The following GNAI2 variants were observed in gnomAD, a reference collection of about 807,000 sequenced individuals.
GNAI2 encodes the protein guanine nucleotide-binding protein G(i) subunit alpha-2.
GNAI2 carries 4 observed loss-of-function variants against 36.8 expected under a neutral mutation model. The ratio of observed to expected loss-of-function variants is 0.11; its 90% CI spans 0.05 to 0.25. GNAI2 has a LOEUF of 0.25. Among genes scored for constraint, GNAI2 ranks in the 10% least tolerant of loss-of-function variants. The pLI is 1.00. For missense variants in GNAI2, 230 were observed against 481.3 expected (o/e 0.48, Z 4.89); for synonymous variants, 194 against 194.1 (o/e 1.00, Z 0.01).
At chr3:50,231,705 G>A (rs1421716931), upstream of GNAI2, among the ~76,000 whole-genome samples, 1 of 152,200 alleles carries the variant, frequency 6.6e-6, no homozygotes, top group Non-Finnish European at 1.5e-5. Flanking sequence ...AGGACAATGG[G>A]ACTCAGAGAA....
chr3:50,256,552 G>A (rs1226279885), intron 5 of GNAI2, 171 bp from the exon 6 acceptor site: 1 of 767,348 alleles, frequency 1.3e-6, no homozygotes, highest in Non-Finnish European at 2.2e-6. Context: ...CCTGCCTGCT[G>A]TCCAAGCTCC....
intron 1 of GNAI2, among the ~76,000 whole-genome samples, chr3:50,237,630 G>A (rs1700206799): frequency 6.6e-6 from 1 of 152,156 alleles, no homozygotes; most frequent in African/African-American, 2.4e-5. Context: ...GGGGCCAGCT[G>A]GGGGTGGGCC....
chr3:50,248,509 C>T (rs1700473578), intron 1 of GNAI2, among the ~76,000 whole-genome samples: 1 of 152,166 alleles, frequency 6.6e-6, no homozygotes, highest in African/African-American at 2.4e-5. Flanking sequence ...GGGGCTCCAC[C>T]CACCTCTGCT....
Position 50,242,822 on chromosome 3 carries a change from C to T in GNAI2, c.118+6369C>T, listed in dbSNP as rs969571521. ...TCAGCCTTGTTGGGGAGAAGATATC[C>T]TTATGGCTTGGAGGAATCTGGGGGC... On this transcript the variant is annotated intron_variant, in intron 1 of 8. Coordinates refer to ENST00000313601, the MANE Select transcript of GNAI2 (RefSeq NM_002070.4). This position sits in a 1 kb window ranked among gnomAD's most constrained non-coding sequence, Gnocchi z 4.8. Among the ~76,000 whole-genome samples, 5 of 152,196 alleles carry T rather than the reference C, an allele frequency of 3.3e-5. No homozygotes were observed. The highest frequency in any genetic ancestry group is 1.2e-4 in the African/African-American group (5 of 41,432).
In GNAI2 at chr3:50,253,057, A is replaced by C. The variant is rs1356516303; in HGVS notation, c.337A>C (p.Thr113Pro). ...DARQLFALSC[T>P]AEEQGVLPDD... ...CAGGCAGCTATTTGCACTGTCCTGC[A>C]CCGCCGAGGAGCAAGGCGTGCTCCC... Residue 113 changes from threonine (T) to proline (P), a missense_variant, in exon 4 of 9, where the codon ACC becomes CCC. Thr to Pro is a conservative substitution (Grantham distance 38). Coordinates refer to ENST00000313601, the MANE Select transcript of GNAI2 (RefSeq NM_002070.4). The surrounding 1 kb of genome is among the most constrained non-coding windows in gnomAD (Gnocchi z 4.2). 1 of 1,611,340 alleles carries C rather than the reference A, an allele frequency of 6.2e-7. No homozygotes were observed. The highest frequency in any genetic ancestry group is 8.5e-7 in the Non-Finnish European group (1 of 1,178,236).
intron 1 of GNAI2, among the ~76,000 whole-genome samples, chr3:50,249,185 A>G (rs370685483): frequency 2.6e-5 from 4 of 152,116 alleles, no homozygotes; most frequent in African/African-American, 9.7e-5. Flanking sequence ...TCGGGACTGC[A>G]TGGGGACCCA....
intron 1 of GNAI2, chr3:50,251,709 C>A: frequency 7.5e-7 from 1 of 1,341,292 alleles, no homozygotes; most frequent in Non-Finnish European, 9.8e-7. Context: ...CCAGCTCTGC[C>A]CAGGGCACCA....
At chr3:50,244,516 G>C (rs1277315348) in intron 1 of GNAI2, among the ~76,000 whole-genome samples, 1 of 152,216 alleles carries the variant, frequency 6.6e-6, no homozygotes, top group African/African-American at 2.4e-5. Context: ...TCCATGGTGA[G>C]GGCCTCTGAG....
intron 1 of GNAI2, 109 bp from the exon 2 acceptor site, chr3:50,251,990 TG>T: frequency 9.1e-7 from 1 of 1,097,796 alleles, no homozygotes; most frequent in Non-Finnish European, 1.3e-6. Context: ...ACGGTGCAGC[TG>T]GTGGGAAGGT....
In GNAI2 at chr3:50,257,662, A is replaced by G. The variant is rs782819582; in HGVS notation, c.1040A>G (p.Asn347Ser). 2 of 1,597,170 alleles carry G rather than the reference A, an allele frequency of 1.3e-6. No homozygotes were observed. ...FDAVTDVIIK[N>S]NLKDCGLF ...GCCGTCACCGATGTCATCATCAAGA[A>G]CAACCTGAAGGACTGCGGCCTCTTC... Residue 347 changes from asparagine to serine, a missense_variant, in exon 8 of 9, where the codon AAC becomes AGC. This residue lies in a region of GNAI2 where 17 missense variants were observed against 48.5 expected (regional missense o/e 0.35). Transcript: ENST00000313601.
rs587744628 is a variant in GNAI2 at position 50,240,942 on chromosome 3, A to T, written c.118+4489A>T. 3.6e-3 allele frequency among the ~76,000 whole-genome samples: 522 copies of T among 144,384 alleles called. 2 individuals carry two copies. The highest frequency in any genetic ancestry group is 0.014 in the African/African-American group (477 of 35,332). The allele number at this position is 144,384 out of a possible 152,430, so 94.7% of individuals were successfully genotyped here. A position where few individuals can be genotyped will look rare whatever the true frequency, so the allele number is the denominator to read the frequency against. On this transcript the variant is annotated intron_variant, in intron 1 of 8. Transcript: ENST00000313601. ...TCAAAAAAAAAAAAAAAAAAGAAAA[A>T]AAAAGAAAATGGATGAGGGACCCAC...
rs1553702541 is a variant in GNAI2, at chr3:50,252,126, A to G, written c.145A>G (p.Ile49Val). 5.0e-6 allele frequency: 8 copies of G among 1,613,808 alleles called. No homozygotes were observed. The highest frequency in any genetic ancestry group is 1.3e-5 in the African/African-American group (1 of 74,876). ...LGAGESGKST[I>V]VKQMKIIHED... ...TGCTGGGGAGTCAGGGAAGAGCACCATCGTCAAGCAGATGAAGTAAGTGCT... is the reference window on the plus strand; with the variant it reads ...TGCTGGGGAGTCAGGGAAGAGCACCGTCGTCAAGCAGATGAAGTAAGTGCT... Residue 49 changes from isoleucine (I) to valine (V), a missense_variant, in exon 2 of 9, where the codon ATC becomes GTC. Ile to Val is a conservative substitution (Grantham distance 29, BLOSUM62 3). Transcript: ENST00000313601. This position sits in a 1 kb window ranked among gnomAD's most constrained non-coding sequence, Gnocchi z 4.1.
At position 50,244,098 on chromosome 3, in the gene GNAI2, G is replaced by T. The variant is rs587623565; in HGVS notation, c.118+7645G>T. Among the ~76,000 whole-genome samples, 13 of 148,010 alleles carry T rather than the reference G, an allele frequency of 8.8e-5. No individual in the cohort carries two copies. In the South Asian group the frequency reaches 1.9e-3, roughly 22 times the overall value. Reference sequence around the variant, plus strand: ...GGCTGGAGTGCAGTGGCATGATCTCGGCTCACTGCAACCTCCGCCTCCTGG... The same window carrying T: ...GGCTGGAGTGCAGTGGCATGATCTCTGCTCACTGCAACCTCCGCCTCCTGG... On this transcript the variant is annotated intron_variant, in intron 1 of 8. Transcript: ENST00000313601.
chr3:50,258,980 C>A lies in GNAI2; in HGVS notation c.*637C>A, dbSNP rs587758944. 6 of 447,252 alleles carry A rather than the reference C, an allele frequency of 1.3e-5. No homozygotes were observed. Among genetic ancestry groups the A allele is most frequent in the East Asian group, 7.0e-5 (1 of 14,370 alleles). 27.7% of individuals were successfully genotyped at this position (447,252 alleles called of 1,614,324 possible). Reference sequence around the variant, plus strand: ...TCAGATCCTGACCAGCAAGCCCCCCCCCAGCCCCCCTTCCAAGTGACTCCG... The same window carrying A: ...TCAGATCCTGACCAGCAAGCCCCCCACCAGCCCCCCTTCCAAGTGACTCCG... On this transcript the variant is annotated 3_prime_UTR_variant, in exon 9 of 9. Coordinates refer to ENST00000313601, the MANE Select transcript of GNAI2 (RefSeq NM_002070.4).
At chr3:50,256,912 G>A (rs370577071) in intron 6 of GNAI2, 25 bp from the exon 7 acceptor site, 112 of 1,613,778 alleles carry the variant, frequency 6.9e-5, no homozygotes, top group Non-Finnish European at 9.0e-5. Flanking sequence ...GGTGGCTAGC[G>A]TTGACCTTGC....
At position 50,255,715 on chromosome 3, in the gene GNAI2, A is replaced by C. The variant is rs1553703069; in HGVS notation, c.465-477A>C. On this transcript the variant is annotated intron_variant, in intron 4 of 8. Transcript: ENST00000313601. The surrounding 1 kb of genome is among the most constrained non-coding windows in gnomAD (Gnocchi z 4.0). The stretch of plus-strand genomic sequence containing the variant: ...GGGGGCTCTGAGTTCAGGTTTCTTC[A>C]TTTGAGCAATGAGGTAATGCAGGCA... Among the ~76,000 whole-genome samples the C allele has an allele frequency of 2.0e-5, 3 of 151,992 alleles. No homozygotes were observed. Among genetic ancestry groups the C allele is most frequent in the African/African-American group, 7.3e-5 (3 of 41,338 alleles).
upstream of GNAI2, among the ~76,000 whole-genome samples, chr3:50,234,311 G>A (rs138713099): frequency 4.6e-3 from 700 of 151,162 alleles, 8 homozygotes; most frequent in African/African-American, 0.015. Flanking sequence ...CTGCCGCCTC[G>A]GCCTCCCAGT....
chr3:50,258,975 C>T lies in GNAI2; in HGVS notation c.*632C>T, dbSNP rs587683945. 46 of 446,384 alleles carry T rather than the reference C, an allele frequency of 1.0e-4. No individual in the cohort carries two copies. Among genetic ancestry groups the T allele is most frequent in the South Asian group, 6.9e-4 (43 of 62,632 alleles). The allele number at this position is 446,384 out of a possible 1,614,324, so 27.7% of individuals were successfully genotyped here. On this transcript the variant is annotated 3_prime_UTR_variant, in exon 9 of 9. Coordinates refer to ENST00000313601, the MANE Select transcript of GNAI2 (RefSeq NM_002070.4). The stretch of plus-strand genomic sequence containing the variant: ...AACTGTCAGATCCTGACCAGCAAGC[C>T]CCCCCCCAGCCCCCCTTCCAAGTGA...
Position 50,256,783 on chromosome 3 carries a change from C to T in GNAI2, c.654C>T (p.Gly218=), listed in dbSNP as rs141848616. 16 of 1,613,932 alleles carry T rather than the reference C, an allele frequency of 9.9e-6. No individual in the cohort carries two copies. Among genetic ancestry groups the T allele is most frequent in the African/African-American group, 6.7e-5 (5 of 75,018 alleles). The change falls in exon 6 of 9, where the codon GGC becomes GGT. Residue 218 remains glycine (G), a synonymous_variant. Coordinates refer to ENST00000313601, the MANE Select transcript of GNAI2 (RefSeq NM_002070.4). ...ERKKWIHCFE[G]VTAIIFCVAL... is the part of the protein sequence containing the mutation. ...AGAAGTGGATCCACTGCTTTGAGGG[C>T]GTCACAGCCATCATCTTCTGCGTAG... is the stretch of plus-strand genomic sequence containing the variant.
Sources: gnomAD v4.1 joint callset for allele counts (sites outside exome capture counted in the v4.1 genomes callset) on GRCh38, gnomAD v4.1.1 for gene constraint, gnomAD v4.1.1 regional missense constraint, Gnocchi (gnomAD v3.1) non-coding constraint, MANE v1.5 for transcripts, NCBI Gene and HGNC (gene_info 2026-07-23, HGNC 2026-07-21) for gene names.